HIP1: variants seen among roughly 807,000 people sequenced by gnomAD.
HIP1 encodes the protein huntingtin interacting protein 1, also known as huntingtin-interacting protein 1.
In HIP1, 65 loss-of-function variants were observed where a neutral mutation model predicts 147.6. The observed-to-expected ratio is 0.44, with a 90% confidence interval of 0.36 to 0.54. HIP1 has a LOEUF of 0.54. HIP1 is among the 20% of genes least tolerant of loss of function. HIP1 has a pLI of 0.00. For missense variants in HIP1, 1,061 were observed against 1,299.6 expected (o/e 0.82, Z 2.82); for synonymous variants, 479 against 504.0 (o/e 0.95, Z 0.67).
Position 75,556,134 on chromosome 7 carries a change from T to C in HIP1, c.1719A>G (p.Leu573=), listed in dbSNP as rs1794996277. Residue 573 remains leucine, a synonymous_variant, in exon 18 of 31, where the codon CTA becomes CTG. Coordinates refer to ENST00000336926, the MANE Select transcript of HIP1 (RefSeq NM_005338.7). ...EANWAAEFAE[L]EKERDSLVSG... ...TCACCAGGCTGTCCCGCTCCTTCTCTAGCTCGGCGAACTCGGCTGCCCAGT... is the reference window on the plus strand; with the variant it reads ...TCACCAGGCTGTCCCGCTCCTTCTCCAGCTCGGCGAACTCGGCTGCCCAGT... The C allele has an allele frequency of 6.2e-7, 1 of 1,614,114 alleles. No individual in the cohort carries two copies. Among genetic ancestry groups the C allele is most frequent in the East Asian group, 2.2e-5 (1 of 44,876 alleles).
chr7:75,717,145 G>A (rs1435725604), intron 1 of HIP1, among the ~76,000 whole-genome samples: 1 of 152,090 alleles, frequency 6.6e-6, no homozygotes, highest in Non-Finnish European at 1.5e-5. Context: ...CAAAGCCCTT[G>A]CCCATGTGCA....
At chr7:75,629,532 G>A (rs1410772870) in intron 1 of HIP1, among the ~76,000 whole-genome samples, 1 of 144,572 alleles carries the variant, frequency 6.9e-6, no homozygotes, top group Non-Finnish European at 1.5e-5. Flanking sequence ...TTCAATTGCG[G>A]CTCCCCCGCT....
At chr7:75,727,675 G>A (rs1430527873) in intron 1 of HIP1, among the ~76,000 whole-genome samples, 6 of 151,744 alleles carry the variant, frequency 4.0e-5, no homozygotes, top group Admixed American at 6.6e-5. Context: ...GTGAAACCCC[G>A]TCTCTACTAA....
intron 1 of HIP1, among the ~76,000 whole-genome samples, chr7:75,727,284 C>T (rs538636901): frequency 1.1e-4 from 17 of 150,214 alleles, no homozygotes; most frequent in South Asian, 1.1e-3. Flanking sequence ...TTTGTACAGG[C>T]GGGTTTTCAC....
rs782340075 is a variant in HIP1 at position 75,542,927 on chromosome 7, G to A, written c.2814C>T (p.Ala938=). The change falls in exon 28 of 31, where the codon GCC becomes GCT. Residue 938 remains alanine, a synonymous_variant. Coordinates refer to ENST00000336926, the MANE Select transcript of HIP1 (RefSeq NM_005338.7). ...DSPNLAQLQQ[A]SRGVNQATAG... ...CAGTGGCCTGGTTCACTCCCCGAGA[G>A]GCCTGCTGCAGCTGGGCTAGGTTGG... 4.3e-6 allele frequency: 7 copies of A among 1,613,934 alleles called. No homozygotes were observed. Among genetic ancestry groups the A allele is most frequent in the African/African-American group, 4.0e-5 (3 of 74,912 alleles).
At chr7:75,732,799 C>G (rs1801879057) in intron 1 of HIP1, among the ~76,000 whole-genome samples, 1 of 152,096 alleles carries the variant, frequency 6.6e-6, no homozygotes, top group South Asian at 2.1e-4. Flanking sequence ...CACAGAGTAC[C>G]CAGGGCTGTG....
At chr7:75,653,413 G>A (rs557678188) in intron 1 of HIP1, among the ~76,000 whole-genome samples, 1 of 152,250 alleles carries the variant, frequency 6.6e-6, no homozygotes, top group East Asian at 1.9e-4. Flanking sequence ...AGCACTTTGG[G>A]AGGCTGAGGC....
chr7:75,689,255 C>T (rs1426722532), intron 1 of HIP1, among the ~76,000 whole-genome samples: 1 of 151,946 alleles, frequency 6.6e-6, no homozygotes, highest in Non-Finnish European at 1.5e-5. Context: ...CATGTAATCC[C>T]AGCACTTTGG....
chr7:75,688,722 C>T (rs1400526796), intron 1 of HIP1, among the ~76,000 whole-genome samples: 3 of 152,136 alleles, frequency 2.0e-5, no homozygotes, highest in Admixed American at 6.6e-5. Context: ...GTTGTTTGCA[C>T]GGGCCTCCCA....
At chr7:75,681,729 A>ACTC (rs1800079928) in intron 1 of HIP1, among the ~76,000 whole-genome samples, 1 of 150,034 alleles carries the variant, frequency 6.7e-6, no homozygotes, top group Admixed American at 6.7e-5. Context: ...GTGGCCTTGA[A>ACTC]CTCCTGGCCT....
In HIP1 at chr7:75,537,305, CCTT is replaced by C. The variant is rs1280852816; in HGVS notation, c.*864_*866del. On this transcript the variant is annotated 3_prime_UTR_variant, in exon 31 of 31. Coordinates refer to ENST00000336926, the MANE Select transcript of HIP1 (RefSeq NM_005338.7). ...TTTAGGAGGGAAAGGCACTCACTCT[CCTT>C]CTGCTTTTTGAGGAAAGCTGTCACT... is the stretch of plus-strand genomic sequence containing the variant. 3.9e-5 allele frequency: 9 copies of C among 232,940 alleles called. No homozygotes were observed. Among genetic ancestry groups the C allele is most frequent in the African/African-American group, 1.1e-4 (5 of 45,258 alleles). The allele number at this position is 232,940 out of a possible 1,614,324, so 14.4% of individuals were successfully genotyped here. A position where few individuals can be genotyped will look rare whatever the true frequency, so the allele number is the denominator to read the frequency against.
chr7:75,676,730 C>A (rs940454864), intron 1 of HIP1, among the ~76,000 whole-genome samples: 6 of 150,152 alleles, frequency 4.0e-5, no homozygotes, highest in African/African-American at 1.5e-4. Context: ...GGGCCGAGAT[C>A]GTGCCATTGC....
At chr7:75,631,049 G>A (rs1373494684) in intron 1 of HIP1, among the ~76,000 whole-genome samples, 1 of 152,142 alleles carries the variant, frequency 6.6e-6, no homozygotes, top group South Asian at 2.1e-4. Context: ...GAACTCTTGG[G>A]CTCAAGTGAT....
At chr7:75,701,518 G>C (rs782477501) in intron 1 of HIP1, among the ~76,000 whole-genome samples, 16 of 152,168 alleles carry the variant, frequency 1.1e-4, no homozygotes, top group Non-Finnish European at 2.1e-4. Flanking sequence ...AAACTGACCT[G>C]GGCAACATAG....
intron 1 of HIP1, among the ~76,000 whole-genome samples, chr7:75,602,354 G>C (rs1442979940): frequency 1.7e-5 from 2 of 118,128 alleles, no homozygotes; most frequent in African/African-American, 3.3e-5. Flanking sequence ...GGGTTTCGCT[G>C]TCTTGCTATG....
chr7:75,598,108 C>T (rs1237333602), intron 2 of HIP1, among the ~76,000 whole-genome samples: 2 of 152,218 alleles, frequency 1.3e-5, no homozygotes, highest in African/African-American at 4.8e-5. Context: ...CAACCAACCT[C>T]TGAAGCTAAG....
At chr7:75,722,444 G>C (rs1801529466) in intron 1 of HIP1, among the ~76,000 whole-genome samples, 1 of 152,160 alleles carries the variant, frequency 6.6e-6, no homozygotes, top group Admixed American at 6.6e-5. Context: ...AGTGGGCAGG[G>C]ACCAGGCAGA....
chr7:75,570,615 A>G (rs984077911), intron 8 of HIP1, among the ~76,000 whole-genome samples: 2 of 152,108 alleles, frequency 1.3e-5, no homozygotes, highest in Non-Finnish European at 2.9e-5. Context: ...TTTCATACTA[A>G]TATACGAACA....
chr7:75,681,165 G>A (rs1255657431), intron 1 of HIP1, among the ~76,000 whole-genome samples: 13 of 151,892 alleles, frequency 8.6e-5, no homozygotes, highest in Admixed American at 7.2e-4. Flanking sequence ...CGTCCGCCTC[G>A]GCCTTTCAAA....
Sources: gnomAD v4.1 joint callset for allele counts (sites outside exome capture counted in the v4.1 genomes callset) on GRCh38, gnomAD v4.1.1 for gene constraint, MANE v1.5 for transcripts, NCBI Gene and HGNC (gene_info 2026-07-23, HGNC 2026-07-21) for gene names.